The following RIMS3 variants were observed in gnomAD, a reference collection of about 807,000 sequenced individuals.
The protein encoded by RIMS3 is regulating synaptic membrane exocytosis 3.
Under a neutral mutation model 29.2 loss-of-function variants are expected in RIMS3, and 15 were observed. The ratio of observed to expected loss-of-function variants is 0.51; its 90% CI spans 0.34 to 0.79. The LOEUF (loss-of-function observed/expected upper bound fraction) is 0.79. RIMS3 is among the 30% of genes least tolerant of loss of function. The probability of loss-of-function intolerance (pLI) is 0.01; values close to 1 mark genes in which losing one functional copy is unlikely to be tolerated. For synonymous variants in RIMS3, 161 were observed against 170.1 expected (o/e 0.95, Z 0.41); for missense variants, 342 against 421.4 (o/e 0.81, Z 1.65).
At position 40,635,838 on chromosome 1, in the gene RIMS3, T is replaced by C; in HGVS notation, c.359+78A>G. The C allele has an allele frequency of 6.4e-7, 1 of 1,564,118 alleles. No individual in the cohort carries two copies. Among genetic ancestry groups the C allele is most frequent in the Non-Finnish European group, 8.7e-7 (1 of 1,150,080 alleles). On this transcript the variant is annotated intron_variant, in intron 4 of 7. Transcript: ENST00000372684. The surrounding 1 kb of genome is among the most constrained non-coding windows in gnomAD (Gnocchi z 4.1). ...TTAGCTGGAAACAAAACAGGGAGGC[T>C]TTCCCACCCTGCCCAGTGGCTCTGT... is the stretch of plus-strand genomic sequence containing the variant.
Position 40,641,906 on chromosome 1 carries a change from C to A in RIMS3, c.20G>T (p.Gly7Val), listed in dbSNP as rs1646560627. The A allele has an allele frequency of 6.2e-7, 1 of 1,613,590 alleles. No individual in the cohort carries two copies. Among genetic ancestry groups the A allele is most frequent in the African/African-American group, 1.3e-5 (1 of 74,938 alleles). The part of the protein sequence containing the change: MFNGEP[G>V]PASSGASRNV... The stretch of plus-strand genomic sequence containing the variant: ...CCTGGAGGCCCCAGATGAGGCAGGA[C>A]CTGGCTCCCCGTTAAACATGGTCCC... Residue 7 changes from glycine (G) to valine (V), a missense_variant, in exon 3 of 8, where the codon GGT becomes GTT. Gly to Val is a moderately radical substitution (Grantham distance 109, BLOSUM62 -3). Transcript: ENST00000372684.
chr1:40,639,296 C>T (rs1646541020), intron 3 of RIMS3, among the ~76,000 whole-genome samples: 1 of 152,320 alleles, frequency 6.6e-6, no homozygotes, highest in African/African-American at 2.4e-5. Flanking sequence ...ATGAGTCTGC[C>T]TCATATATTC....
At position 40,660,878 on chromosome 1, in the gene RIMS3, C is replaced by G. The variant is rs1021422279; in HGVS notation, c.-207+4516G>C. On this transcript the variant is annotated intron_variant, in intron 1 of 7. Transcript: ENST00000372684. ...GGCTCTGAGCTTGGCAAATCAGGAC[C>G]ATGAAATGCAAAGGTTACCTTCTCT... Among the ~76,000 whole-genome samples the G allele has an allele frequency of 2.6e-5, 4 of 152,088 alleles. No homozygotes were observed. In the East Asian group the frequency reaches 7.7e-4, roughly 29 times the overall value.
intron 1 of RIMS3, among the ~76,000 whole-genome samples, chr1:40,652,599 T>C (rs1346762224): frequency 1.3e-5 from 2 of 152,160 alleles, no homozygotes; most frequent in African/African-American, 4.8e-5. Context: ...GAAAACGTTG[T>C]GTTCAGAGGC....
chr1:40,691,026 T>C, the RIMS3 span: 2 of 152,342 alleles, frequency 1.3e-5, no homozygotes, highest in African/African-American at 4.8e-5. Context: ...GTAAAATGGA[T>C]ACAATCCTGA....
In RIMS3 at chr1:40,635,900, A is replaced by G. The variant is rs2253835; in HGVS notation, c.359+16T>C. Reference sequence around the variant, plus strand: ...CGAGGAGGAGGGAGGGGACCACAGCACGGGGCTGCACGCACGTGCCGTCGG... The same window carrying G: ...CGAGGAGGAGGGAGGGGACCACAGCGCGGGGCTGCACGCACGTGCCGTCGG... On this transcript the variant is annotated intron_variant, in intron 4 of 7. Coordinates refer to ENST00000372684, the MANE Select transcript of RIMS3 (RefSeq NM_014747.3). This position sits in a 1 kb window ranked among gnomAD's most constrained non-coding sequence, Gnocchi z 4.1. 0.77 allele frequency: 1,243,280 copies of G among 1,611,386 alleles called. 484,654 individuals are homozygous for G. Among genetic ancestry groups the G allele is most frequent in the African/African-American group, 0.9 (67,667 of 74,994 alleles).
chr1:40,657,746 CAAAAAAAAAAAAA>C (rs34448324), intron 1 of RIMS3, among the ~76,000 whole-genome samples: 1 of 88,126 alleles, frequency 1.1e-5, no homozygotes, highest in African/African-American at 4.4e-5. Flanking sequence ...GACAATGTCT[CAAAAAAAAAAAAA>C]AAAAAAAAAA....
chr1:40,630,382 T>A (rs1646482321), intron 5 of RIMS3, among the ~76,000 whole-genome samples: 1 of 152,214 alleles, frequency 6.6e-6, no homozygotes, highest in Admixed American at 6.5e-5. Context: ...TATGTAGTAG[T>A]CAGTCACTCA....
the RIMS3 span, among the ~76,000 whole-genome samples, chr1:40,671,696 T>C: frequency 5.0e-3 from 754 of 152,086 alleles, 5 homozygotes; most frequent in African/African-American, 0.018. Context: ...CAGATGCTAG[T>C]ATCATGCTTC....
At chr1:40,688,885 G>C in the RIMS3 span, among the ~76,000 whole-genome samples, 1 of 152,152 alleles carries the variant, frequency 6.6e-6, no homozygotes, top group Non-Finnish European at 1.5e-5. Context: ...GATTGATTAG[G>C]TTCCATTTAT....
intron 1 of RIMS3, among the ~76,000 whole-genome samples, chr1:40,656,804 A>G (rs1047419013): frequency 4.6e-5 from 7 of 150,570 alleles, no homozygotes; most frequent in African/African-American, 7.3e-5. Context: ...AAAAAAAAAG[A>G]CACACTAGAA....
chr1:40,643,265 G>C (rs11803360), intron 2 of RIMS3, among the ~76,000 whole-genome samples: 46,612 of 151,586 alleles, frequency 0.31, 7,320 homozygotes, highest in Middle Eastern at 0.35. Context: ...CCGAGTAGCT[G>C]GGATTACAGG....
chr1:40,655,634 C>T (rs1183279749), intron 1 of RIMS3, among the ~76,000 whole-genome samples: 4 of 152,206 alleles, frequency 2.6e-5, no homozygotes, highest in South Asian at 4.1e-4. Context: ...TGCACATTTC[C>T]GACATCCCCA....
intron 2 of RIMS3, among the ~76,000 whole-genome samples, chr1:40,643,225 G>A (rs1160842966): frequency 6.6e-6 from 1 of 151,568 alleles, no homozygotes; most frequent in East Asian, 2.0e-4. Context: ...TTTGCCTCCC[G>A]GATCCAAGCA....
the RIMS3 span, among the ~76,000 whole-genome samples, chr1:40,670,917 T>A: frequency 6.6e-6 from 1 of 151,936 alleles, no homozygotes; most frequent in South Asian, 2.1e-4. Context: ...TGGAGAGATA[T>A]TGGAAATCTT....
the RIMS3 span, among the ~76,000 whole-genome samples, chr1:40,670,896 A>AT: frequency 2.6e-5 from 4 of 151,882 alleles, no homozygotes; most frequent in Non-Finnish European, 4.4e-5. Context: ...AATAATATAT[A>AT]TTTTTTTAAG....
intron 2 of RIMS3, among the ~76,000 whole-genome samples, chr1:40,645,328 G>A (rs1329178896): frequency 1.3e-5 from 2 of 152,168 alleles, no homozygotes; most frequent in Non-Finnish European, 2.9e-5. Flanking sequence ...TTTCTGGAAG[G>A]CATGTGGTTA....
At chr1:40,650,697 A>T (rs1371594363) in intron 1 of RIMS3, among the ~76,000 whole-genome samples, 1 of 143,226 alleles carries the variant, frequency 7.0e-6, no homozygotes, top group Non-Finnish European at 1.5e-5. Flanking sequence ...CCTCATCTCT[A>T]AAAAAAAAAA....
chr1:40,691,791 G>A, the RIMS3 span: 13 of 452,110 alleles, frequency 2.9e-5, no homozygotes, highest in Middle Eastern at 3.2e-3. Context: ...CCCCTCCGCC[G>A]CGCCTGGGCC....
Sources: gnomAD v4.1 joint callset for allele counts (sites outside exome capture counted in the v4.1 genomes callset) on GRCh38, gnomAD v4.1.1 for gene constraint, Gnocchi (gnomAD v3.1) non-coding constraint, MANE v1.5 for transcripts, NCBI Gene and HGNC (gene_info 2026-07-23, HGNC 2026-07-21) for gene names.